Variants in MAB21L3 observed in about 807,000 individuals in gnomAD.
The protein encoded by MAB21L3 is protein mab-21-like 3.
In MAB21L3, 36 loss-of-function variants were observed where a neutral mutation model predicts 37.7. The observed-to-expected ratio is 0.96, with a 90% CI of 0.73 to 1.26. The LOEUF (loss-of-function observed/expected upper bound fraction) is 1.26, where lower values mean the gene tolerates loss of function less well. Ranked by LOEUF, MAB21L3 falls within the 50% of genes most tolerant of loss-of-function variation. The pLI, the probability that MAB21L3 is intolerant of heterozygous loss-of-function variation, is 0.00. For missense variants in MAB21L3, 430 were observed against 447.3 expected, an observed-to-expected ratio of 0.96 and a Z score of 0.35; for synonymous variants, 186 against 176.8, an observed-to-expected ratio of 1.05 and a Z score of -0.41.
At chr1:116,125,238 T>A (rs1659870332) in intron 5 of MAB21L3, among the ~76,000 whole-genome samples, 1 of 152,224 alleles carries the variant, frequency 6.6e-6, no homozygotes, top group South Asian at 2.1e-4. Context: ...ATTAGAAGTG[T>A]AAATTGGTGT....
chr1:116,134,882 G>A lies in MAB21L3; in HGVS notation c.*1517G>A, dbSNP rs1224569421. ...TATGTAATGCTTCTCAACTCAAGGG[G>A]CTCCTTTATTACTTTTGAATGTTTT... On this transcript the variant is annotated 3_prime_UTR_variant, in exon 8 of 8. Coordinates refer to ENST00000369500, the MANE Select transcript of MAB21L3 (RefSeq NM_152367.3). 1 of 151,986 alleles carries A rather than the reference G, an allele frequency of 6.6e-6. No individual in the cohort carries two copies. Among genetic ancestry groups the A allele is most frequent in the African/African-American group, 2.4e-5 (1 of 41,372 alleles). 9.4% of individuals were successfully genotyped at this position (151,986 alleles called of 1,614,324 possible).
chr1:116,132,057 G>C (rs948324753), intron 7 of MAB21L3, among the ~76,000 whole-genome samples: 1 of 152,196 alleles, frequency 6.6e-6, no homozygotes, highest in Non-Finnish European at 1.5e-5. Context: ...TGCAGGAAGA[G>C]CAGGGGTTCA....
rs750490170 is a variant in MAB21L3 at position 116,133,378 on chromosome 1, C to A, written c.*13C>A. On this transcript the variant is annotated 3_prime_UTR_variant, in exon 8 of 8. Transcript: ENST00000369500. ...CGGCCCGCCCTGATGGTTGCCCCGG[C>A]CTGGGAGGCTCTTGGACATTTTATT... 8.7e-6 allele frequency: 14 copies of A among 1,606,858 alleles called. No homozygotes were observed. Among genetic ancestry groups the A allele is most frequent in the Non-Finnish European group, 1.1e-5 (13 of 1,173,380 alleles).
chr1:116,124,340 G>T lies in MAB21L3; in HGVS notation c.464G>T (p.Arg155Ile). Reference sequence around the variant, plus strand: ...CGGAAGCTGGTGGAAAATGCAGTTAGAACCTGTCACCTCTCAGGTGAGCTG... The same window carrying T: ...CGGAAGCTGGTGGAAAATGCAGTTATAACCTGTCACCTCTCAGGTGAGCTG... ...VFRKLVENAV[R>I]TCHLSGKVSL... The change falls in exon 5 of 8, where the codon AGA (arginine) becomes ATA (isoleucine). Residue 155 changes from arginine (R) to isoleucine (I), a missense_variant. Transcript: ENST00000369500. The T allele has an allele frequency of 1.9e-6, 3 of 1,613,216 alleles. No homozygotes were observed. In the South Asian group the frequency reaches 3.3e-5, roughly 18 times the overall value.
rs1045981961 is a variant in MAB21L3 at position 116,133,449 on chromosome 1, G to T, written c.*84G>T. The T allele has an allele frequency of 3.9e-6, 5 of 1,290,752 alleles. No homozygotes were observed. Among genetic ancestry groups the T allele is most frequent in the Non-Finnish European group, 5.5e-6 (5 of 908,318 alleles). The allele number at this position is 1,290,752 out of a possible 1,614,324, so 80.0% of individuals were successfully genotyped here. ...GGATGGTTCCTCAGTCAGGTGCCAGGATCCTGCCTAGGAGAAAGGCCACGA... is the reference window on the plus strand; with the variant it reads ...GGATGGTTCCTCAGTCAGGTGCCAGTATCCTGCCTAGGAGAAAGGCCACGA... On this transcript the variant is annotated 3_prime_UTR_variant, in exon 8 of 8. Coordinates refer to ENST00000369500, the MANE Select transcript of MAB21L3 (RefSeq NM_152367.3).
chr1:116,124,440 C>A (rs1441261569), intron 5 of MAB21L3, 83 bp downstream of exon 5: 5 of 1,227,994 alleles, frequency 4.1e-6, no homozygotes, highest in Non-Finnish European at 5.7e-6. Context: ...GTGTTACCTG[C>A]AGCTCACAGC....
chr1:116,124,474 T>A, intron 5 of MAB21L3, 117 bp downstream of exon 5: 2 of 909,682 alleles, frequency 2.2e-6, no homozygotes, highest in Non-Finnish European at 3.3e-6. Context: ...AATAATCATG[T>A]GCTCTTCACA....
chr1:116,124,189 CGGGACCCTGA>C lies in MAB21L3; in HGVS notation c.317_326del (p.Asp106ValfsTer12), dbSNP rs1557931245. The C allele has an allele frequency of 6.2e-7, 1 of 1,614,170 alleles. No individual in the cohort carries two copies. The highest frequency in any genetic ancestry group is 8.5e-7 in the Non-Finnish European group (1 of 1,180,032). ...GGGCACCAGGCTGCCCTGCCCGTTG[CGGGACCCTGA>C]GGGTCTGCAGCAGTGGCTGGAGGTG... is the stretch of plus-strand genomic sequence containing the variant. On this transcript the variant is annotated frameshift_variant, in exon 5 of 8. Coordinates refer to ENST00000369500, the MANE Select transcript of MAB21L3 (RefSeq NM_152367.3). LOFTEE classifies it high-confidence loss of function.
intron 7 of MAB21L3, 28 bp from the exon 8 acceptor site, chr1:116,133,104 T>C (rs1660116515): frequency 6.3e-7 from 1 of 1,581,130 alleles, no homozygotes; most frequent in South Asian, 1.1e-5. Context: ...CCCGAAACAA[T>C]GTCTGACAGC....
chr1:116,113,372 C>T (rs890588890), intron 3 of MAB21L3, among the ~76,000 whole-genome samples: 1 of 152,046 alleles, frequency 6.6e-6, no homozygotes, highest in African/African-American at 2.4e-5. Flanking sequence ...TTAGGCAAAA[C>T]CATTAAGAGA....
At chr1:116,114,745 C>T (rs1659523100) in intron 3 of MAB21L3, among the ~76,000 whole-genome samples, 1 of 152,194 alleles carries the variant, frequency 6.6e-6, no homozygotes, top group African/African-American at 2.4e-5. Flanking sequence ...ATTTCACATG[C>T]AGTCAGGCAA....
Position 116,117,158 on chromosome 1 carries a change from C to CAT in MAB21L3, c.49-3772_49-3771dup, listed in dbSNP as rs773287860. Among the ~76,000 whole-genome samples the CAT allele has an allele frequency of 4.2e-3, 361 of 85,988 alleles. 2 individuals carry two copies. Among genetic ancestry groups the CAT allele is most frequent in the Middle Eastern group, 0.016 (3 of 182 alleles). The allele number at this position is 85,988 out of a possible 152,430, so 56.4% of individuals were successfully genotyped here. A position where few individuals can be genotyped will look rare whatever the true frequency, so the allele number is the denominator to read the frequency against. ...TTATTAACTCAGGAATCAAAATATA[C>CAT]ATACATATATATATATATATATATA... On this transcript the variant is annotated intron_variant, in intron 3 of 7. Coordinates refer to ENST00000369500, the MANE Select transcript of MAB21L3 (RefSeq NM_152367.3).
intron 7 of MAB21L3, among the ~76,000 whole-genome samples, chr1:116,130,613 A>G (rs183079573): frequency 1.3e-5 from 2 of 152,318 alleles, no homozygotes; most frequent in East Asian, 3.9e-4. Context: ...GTTGGGTTGC[A>G]AAACAGCATT....
At chr1:116,129,607 G>A (rs1660012578) in intron 7 of MAB21L3, among the ~76,000 whole-genome samples, 1 of 152,182 alleles carries the variant, frequency 6.6e-6, no homozygotes, top group Admixed American at 6.5e-5. Flanking sequence ...ACTTATTGAA[G>A]GACAGATACC....
chr1:116,123,922 G>T, intron 4 of MAB21L3, 144 bp from the exon 5 acceptor site: 2 of 727,708 alleles, frequency 2.7e-6, no homozygotes, highest in South Asian at 1.9e-5. Flanking sequence ...TAACACCCAG[G>T]TCGAGGTCTC....
In MAB21L3 at chr1:116,133,331, C is replaced by T. The variant is rs1364743953; in HGVS notation, c.1055C>T (p.Thr352Ile). 1.2e-6 allele frequency: 2 copies of T among 1,614,234 alleles called. No homozygotes were observed. Among genetic ancestry groups the T allele is most frequent in the South Asian group, 1.1e-5 (1 of 91,088 alleles). Reference sequence around the variant, plus strand: ...GACACTGTGGCCCAAAAGCTGGCCACCTTCCTGAAGAACCCCCAGATCGGC... The same window carrying T: ...GACACTGTGGCCCAAAAGCTGGCCATCTTCCTGAAGAACCCCCAGATCGGC... ...ELDTVAQKLATFLKNPQIGPP is the reference protein window; with the variant it reads ...ELDTVAQKLAIFLKNPQIGPP Residue 352 changes from threonine to isoleucine, a missense_variant, in exon 8 of 8, where the codon ACC becomes ATC. Coordinates refer to ENST00000369500, the MANE Select transcript of MAB21L3 (RefSeq NM_152367.3).
At chr1:116,131,209 C>T (rs538952836) in intron 7 of MAB21L3, among the ~76,000 whole-genome samples, 3 of 152,174 alleles carry the variant, frequency 2.0e-5, no homozygotes, top group Non-Finnish European at 4.4e-5. Flanking sequence ...CTACTGTTGT[C>T]GCTGCTTCTT....
rs751655652 is a variant in MAB21L3 at position 116,124,284 on chromosome 1, C to CA, written c.409dup (p.Ile137AsnfsTer19). The CA allele has an allele frequency of 1.2e-5, 19 of 1,614,038 alleles. No individual in the cohort carries two copies. In the Admixed American group the frequency reaches 3.2e-4, roughly 27 times the overall value. On this transcript the variant is annotated frameshift_variant, in exon 5 of 8. Coordinates refer to ENST00000369500, the MANE Select transcript of MAB21L3 (RefSeq NM_152367.3). LOFTEE classifies it high-confidence loss of function. ...AGACAGATGTGAACATCGACGGAGA[C>CA]ATTGTGCCTGCCAAGGTCCTCCTAG...
rs1660184843 is a variant in MAB21L3, at chr1:116,135,593, A to G, written c.*2228A>G. Among the ~76,000 whole-genome samples the G allele has an allele frequency of 6.6e-6, 1 of 152,234 alleles. No homozygotes were observed. The highest frequency in any genetic ancestry group is 2.4e-5 in the African/African-American group (1 of 41,454). On this transcript the variant is annotated 3_prime_UTR_variant, in exon 8 of 8. Coordinates refer to ENST00000369500, the MANE Select transcript of MAB21L3 (RefSeq NM_152367.3). ...ATTCCTTCTGAAACTATTCCAATCA[A>G]TTGAAAAAGAGGGAATCCTCCCTAA...
Sources: allele counts gnomAD v4.1 joint callset (sites outside exome capture counted in the v4.1 genomes callset), GRCh38; gene constraint gnomAD v4.1.1; transcripts MANE v1.5; gene names NCBI Gene and HGNC (gene_info 2026-07-23, HGNC 2026-07-21).